The following PARP14 variants were observed in gnomAD, a reference collection of about 807,000 sequenced individuals.
PARP14 encodes the protein protein mono-ADP-ribosyltransferase PARP14.
Under a neutral mutation model 154.2 loss-of-function variants are expected in PARP14, and 59 were observed. The observed-to-expected ratio is 0.38, with a 90% CI of 0.31 to 0.48. PARP14 has a LOEUF of 0.48. PARP14 is among the 20% of genes least tolerant of loss of function. The pLI is 0.98. For missense variants in PARP14, 1,734 were observed against 2,131.6 expected, an observed-to-expected ratio of 0.81 and a Z score of 3.67; for synonymous variants, 720 against 780.5, an observed-to-expected ratio of 0.92 and a Z score of 1.29.
At chr3:122,721,272 C>A in intron 15 of PARP14, 1 of 200,564 alleles carries the variant, frequency 5.0e-6, no homozygotes, top group South Asian at 7.4e-5. Context: ...AGCTCTAGAA[C>A]ATACTCCCAG....
chr3:122,717,870 C>T (rs766158117), intron 12 of PARP14, among the ~76,000 whole-genome samples: 2 of 152,178 alleles, frequency 1.3e-5, no homozygotes, highest in Non-Finnish European at 2.9e-5. Context: ...CTGTGGGCTT[C>T]CTGACATCCT....
chr3:122,718,303 C>A, intron 13 of PARP14, 26 bp downstream of exon 13: 1 of 1,611,302 alleles, frequency 6.2e-7, no homozygotes, highest in Non-Finnish European at 8.5e-7. Flanking sequence ...TTATGAAATG[C>A]ATGTTCATAA....
At chr3:122,691,045 T>G (rs1390731918) in intron 3 of PARP14, among the ~76,000 whole-genome samples, 1 of 152,190 alleles carries the variant, frequency 6.6e-6, no homozygotes, top group Admixed American at 6.5e-5. Context: ...CCACCCATAT[T>G]CCATTAACTG....
chr3:122,710,096 C>A (rs933347530), intron 9 of PARP14, among the ~76,000 whole-genome samples: 1 of 151,928 alleles, frequency 6.6e-6, no homozygotes. Context: ...GTTTTTGTTG[C>A]ATTTGCTTTT....
chr3:122,703,933 C>T lies in PARP14; in HGVS notation c.3273C>T (p.His1091=), dbSNP rs759670992. The part of the protein sequence containing the change: ...SWNLDCRYVL[H]VVAPEWRNGS... The stretch of plus-strand genomic sequence containing the variant: ...ATCTGGACTGTCGCTATGTGCTTCA[C>T]GTGGTAGCTCCGGAGTGGAGAAATG... The change falls in exon 7 of 17, where the codon CAC becomes CAT. Residue 1091 remains histidine (H), a synonymous_variant. Transcript: ENST00000474629. 3.5e-5 allele frequency: 57 copies of T among 1,613,930 alleles called. 1 individual carries two copies. The highest frequency in any genetic ancestry group is 2.0e-4 in the South Asian group (18 of 91,076).
At chr3:122,711,017 A>G (rs928585269) in intron 9 of PARP14, among the ~76,000 whole-genome samples, 4 of 152,044 alleles carry the variant, frequency 2.6e-5, no homozygotes, top group African/African-American at 9.7e-5. Flanking sequence ...CTAGTATACA[A>G]TCATATTATC....
chr3:122,723,412 A>G (rs1933207885), intron 15 of PARP14, among the ~76,000 whole-genome samples: 1 of 152,172 alleles, frequency 6.6e-6, no homozygotes, highest in Non-Finnish European at 1.5e-5. Context: ...GAATTTTTTT[A>G]GAGTTTAAGC....
At chr3:122,709,927 C>T (rs781486379) in intron 9 of PARP14, among the ~76,000 whole-genome samples, 7 of 146,912 alleles carry the variant, frequency 4.8e-5, no homozygotes, top group Admixed American at 6.8e-5. Flanking sequence ...TTTTTTCTTG[C>T]GATTTGCTTG....
At chr3:122,712,137 A>G (rs1160258885) in intron 9 of PARP14, among the ~76,000 whole-genome samples, 1 of 152,058 alleles carries the variant, frequency 6.6e-6, no homozygotes, top group Admixed American at 6.5e-5. Context: ...TTCATTCCAC[A>G]TCATTTCCAT....
rs1484740369 is a variant in PARP14 at position 122,703,746 on chromosome 3, ATGT to A, written c.3093_3095del (p.Val1032del). ...ATTTTTGGTTTTGTCTTTAAGACCG[ATGT>A]TGTTGTCAACTCCGTTCCCTTGGAT... On this transcript the variant is annotated inframe_deletion, in exon 7 of 17. Transcript: ENST00000474629. 6.3e-7 allele frequency: 1 copy of A among 1,585,402 alleles called. No individual in the cohort carries two copies. Among genetic ancestry groups the A allele is most frequent in the Non-Finnish European group, 8.6e-7 (1 of 1,165,226 alleles).
At chr3:122,708,935 C>T (rs1317878665) in intron 9 of PARP14, among the ~76,000 whole-genome samples, 2 of 152,070 alleles carry the variant, frequency 1.3e-5, no homozygotes, top group Non-Finnish European at 2.9e-5. Flanking sequence ...CTATTGAGCC[C>T]ATCCAGTGAA....
At position 122,700,219 on chromosome 3, in the gene PARP14, T is replaced by C. The variant is rs754627164; in HGVS notation, c.1665T>C (p.Ser555=). 1.1e-4 allele frequency: 184 copies of C among 1,611,748 alleles called. No individual in the cohort carries two copies. Among genetic ancestry groups the C allele is most frequent in the Non-Finnish European group, 1.5e-4 (177 of 1,178,642 alleles). The part of the protein sequence containing the change: ...FLQQVNWKEF[S]KCLFIAQKIL... ...AACAGGTAAACTGGAAAGAATTCTC[T>C]AAGTGTCTTTTCATAGCACAGAAGA... is the stretch of plus-strand genomic sequence containing the variant. Residue 555 remains serine (S), a synonymous_variant, in exon 6 of 17, where the codon TCT becomes TCC. Coordinates refer to ENST00000474629, the MANE Select transcript of PARP14 (RefSeq NM_017554.3).
chr3:122,695,576 A>T lies in PARP14; in HGVS notation c.749A>T (p.Asn250Ile). 1 of 1,610,806 alleles carries T rather than the reference A, an allele frequency of 6.2e-7. No individual in the cohort carries two copies. Among genetic ancestry groups the T allele is most frequent in the Non-Finnish European group, 8.5e-7 (1 of 1,177,400 alleles). ...TACAGTTTAAAACTTTTCTTTGAAAATCCCTATAATGGAGGGGGAAGAGTT... is the reference window on the plus strand; with the variant it reads ...TACAGTTTAAAACTTTTCTTTGAAATTCCCTATAATGGAGGGGGAAGAGTT... ...DDYSLKLFFENPYNGGGRVAN... is the reference protein window; with the variant it reads ...DDYSLKLFFEIPYNGGGRVAN... The change falls in exon 5 of 17, where the codon AAT becomes ATT. Residue 250 changes from asparagine to isoleucine, a missense_variant. By Grantham distance (149) the Asn-to-Ile change is moderately radical. Transcript: ENST00000474629.
rs1343747965 is a variant in PARP14, at chr3:122,680,877, G to C, written c.-7G>C. 6.3e-7 allele frequency: 1 copy of C among 1,596,212 alleles called. No homozygotes were observed. The highest frequency in any genetic ancestry group is 8.5e-7 in the Non-Finnish European group (1 of 1,171,714). On this transcript the variant is annotated 5_prime_UTR_variant, in exon 1 of 17. Transcript: ENST00000474629. ...CCCCTGCAGTCCGGCGGAGAGCGGAGCTGAGGATGGCTGTGCCCGGCTCCT... is the reference window on the plus strand; with the variant it reads ...CCCCTGCAGTCCGGCGGAGAGCGGACCTGAGGATGGCTGTGCCCGGCTCCT...
Position 122,705,871 on chromosome 3 carries a change from C to T in PARP14, c.3540+1123C>T, listed in dbSNP as rs139326828. ...AAATATGTGGTCCATTTACTTGTCC[C>T]GTATAATTAGTTACTCTTCTGTGCA... On this transcript the variant is annotated intron_variant, in intron 8 of 16. Coordinates refer to ENST00000474629, the MANE Select transcript of PARP14 (RefSeq NM_017554.3). 2.3e-3 allele frequency among the ~76,000 whole-genome samples: 348 copies of T among 152,274 alleles called. 3 individuals carry two copies. Among genetic ancestry groups the T allele is most frequent in the Middle Eastern group, 0.014 (4 of 294 alleles).
At chr3:122,685,585 C>T (rs1300842571) in intron 2 of PARP14, among the ~76,000 whole-genome samples, 1 of 151,244 alleles carries the variant, frequency 6.6e-6, no homozygotes, top group South Asian at 2.1e-4. Flanking sequence ...TCTTGGCTCA[C>T]TGCAACCTCT....
intron 6 of PARP14, among the ~76,000 whole-genome samples, chr3:122,703,485 A>G (rs1039847750): frequency 1.3e-5 from 2 of 152,208 alleles, no homozygotes; most frequent in African/African-American, 4.8e-5. Context: ...TTCACTAGTT[A>G]CTGAAACAGC....
At chr3:122,694,256 A>G (rs1431280371) in intron 4 of PARP14, among the ~76,000 whole-genome samples, 1 of 152,216 alleles carries the variant, frequency 6.6e-6, no homozygotes, top group Non-Finnish European at 1.5e-5. Flanking sequence ...CATAATGTCC[A>G]GAATATATTC....
chr3:122,696,300 G>T (rs188169220), intron 5 of PARP14, among the ~76,000 whole-genome samples: 1 of 152,280 alleles, frequency 6.6e-6, no homozygotes, highest in East Asian at 1.9e-4. Flanking sequence ...GGAATTAGGG[G>T]GCCAGGCTTC....
Sources: allele counts gnomAD v4.1 joint callset (sites outside exome capture counted in the v4.1 genomes callset), GRCh38; gene constraint gnomAD v4.1.1; transcripts MANE v1.5; gene names NCBI Gene and HGNC (gene_info 2026-07-23, HGNC 2026-07-21).